Variants in PABPC4L observed in about 807,000 individuals in gnomAD.
PABPC4L encodes poly(A) binding protein cytoplasmic 4 like.
For synonymous variants in PABPC4L, 169 were observed against 164.1 expected (o/e 1.03, Z -0.23); for missense variants, 452 against 451.4 (o/e 1.00, Z -0.01).
the PABPC4L span, among the ~76,000 whole-genome samples, chr4:134,151,504 C>A: frequency 6.6e-6 from 1 of 151,978 alleles, no homozygotes; most frequent in Non-Finnish European, 1.5e-5. Flanking sequence ...ATTAAATATT[C>A]TTTCTGATCA....
chr4:133,958,444 T>G, the PABPC4L span, among the ~76,000 whole-genome samples: 1 of 152,208 alleles, frequency 6.6e-6, no homozygotes. Context: ...CCCTCCAAAC[T>G]ATTCCATCCT....
chr4:134,039,405 C>T, the PABPC4L span, among the ~76,000 whole-genome samples: 1 of 152,006 alleles, frequency 6.6e-6, no homozygotes, highest in Non-Finnish European at 1.5e-5. Context: ...ATTGATCTGT[C>T]TAATATTGAC....
At chr4:134,123,668 G>T in the PABPC4L span, among the ~76,000 whole-genome samples, 1 of 152,088 alleles carries the variant, frequency 6.6e-6, no homozygotes, top group East Asian at 1.9e-4. Flanking sequence ...TACAGAGCGA[G>T]AGAGAGAAAT....
chr4:133,957,094 G>T, the PABPC4L span, among the ~76,000 whole-genome samples: 2 of 152,090 alleles, frequency 1.3e-5, no homozygotes, highest in African/African-American at 2.4e-5. Context: ...GCCCCCAAAT[G>T]CTTATCTCAT....
the PABPC4L span, among the ~76,000 whole-genome samples, chr4:134,189,174 C>G: frequency 6.6e-6 from 1 of 152,076 alleles, no homozygotes; most frequent in African/African-American, 2.4e-5. Flanking sequence ...TCTCTGCATA[C>G]ATTGTCCATC....
chr4:134,115,512 A>G, the PABPC4L span, among the ~76,000 whole-genome samples: 65 of 151,972 alleles, frequency 4.3e-4, 1 homozygote, highest in Non-Finnish European at 8.0e-4. Context: ...TTATGTTTAG[A>G]AGGAGATCTA....
Position 134,200,190 on chromosome 4 carries a change from T to C in PABPC4L, c.830A>G (p.Gln277Arg), listed in dbSNP as rs1486550898. The change falls in exon 2 of 2, where the codon CAA becomes CGA. Residue 277 changes from glutamine (Q) to arginine (R), a missense_variant. Physicochemically the swap from Gln to Arg is conservative, Grantham distance 43. Coordinates refer to ENST00000421491, the MANE Select transcript of PABPC4L (RefSeq NM_001114734.2). ...TTCCCTTTTCAGCTGCTCAAACATT[T>C]GCTTTAACTCAGCCTGTCGCTCGAC... ...KKVERQAELK[Q>R]MFEQLKRERI... is the part of the protein sequence containing the mutation. The C allele has an allele frequency of 6.4e-7, 1 of 1,551,522 alleles. No individual in the cohort carries two copies. The highest frequency in any genetic ancestry group is 8.7e-7 in the Non-Finnish European group (1 of 1,146,972).
At chr4:134,127,227 C>T in the PABPC4L span, among the ~76,000 whole-genome samples, 567 of 152,118 alleles carry the variant, frequency 3.7e-3, 2 homozygotes, top group African/African-American at 0.013. Flanking sequence ...AGGACATAAT[C>T]TCTTGGAAGC....
chr4:134,183,802 C>A, the PABPC4L span, among the ~76,000 whole-genome samples: 1 of 150,990 alleles, frequency 6.6e-6, no homozygotes, highest in Non-Finnish European at 1.5e-5. Context: ...AGAAGAAGAC[C>A]AATAAATTGA....
chr4:134,066,939 G>A, the PABPC4L span, among the ~76,000 whole-genome samples: 5 of 152,094 alleles, frequency 3.3e-5, no homozygotes, highest in African/African-American at 1.2e-4. Context: ...GATTTGGATT[G>A]CTAGTATTTT....
At chr4:134,028,941 A>G in the PABPC4L span, among the ~76,000 whole-genome samples, 2 of 152,116 alleles carry the variant, frequency 1.3e-5, no homozygotes, top group East Asian at 1.9e-4. Flanking sequence ...GCCTGTTGAA[A>G]CATAGTGTGT....
the PABPC4L span, among the ~76,000 whole-genome samples, chr4:134,058,998 CT>C: frequency 6.6e-6 from 1 of 151,976 alleles, no homozygotes; most frequent in African/African-American, 2.4e-5. Flanking sequence ...CAATATGACA[CT>C]CTAGAAAGTT....
the PABPC4L span, among the ~76,000 whole-genome samples, chr4:133,972,585 T>C: frequency 2.0e-5 from 3 of 152,262 alleles, no homozygotes; most frequent in East Asian, 3.9e-4. Context: ...TAATAAGATG[T>C]TTCATAAAAC....
chr4:134,162,171 A>G, the PABPC4L span, among the ~76,000 whole-genome samples: 1 of 152,154 alleles, frequency 6.6e-6, no homozygotes, highest in African/African-American at 2.4e-5. Flanking sequence ...AAGAAAAGAA[A>G]GGGAAGAACA....
the PABPC4L span, among the ~76,000 whole-genome samples, chr4:134,046,891 A>G: frequency 6.6e-6 from 1 of 152,186 alleles, no homozygotes; most frequent in African/African-American, 2.4e-5. Flanking sequence ...TCAAGGCAAA[A>G]CAATTTTCTT....
the PABPC4L span, among the ~76,000 whole-genome samples, chr4:134,158,431 T>C: frequency 2.6e-5 from 4 of 152,064 alleles, no homozygotes; most frequent in Non-Finnish European, 5.9e-5. Context: ...GGAAACAGTA[T>C]TCCTTCCATT....
At chr4:134,049,872 C>T in the PABPC4L span, among the ~76,000 whole-genome samples, 10 of 152,094 alleles carry the variant, frequency 6.6e-5, no homozygotes, top group Non-Finnish European at 1.5e-5. Context: ...TTGCTTATGA[C>T]AGTTTAACAA....
the PABPC4L span, among the ~76,000 whole-genome samples, chr4:133,961,128 C>T: frequency 0.01 from 1,538 of 152,138 alleles, 28 homozygotes; most frequent in African/African-American, 0.036. Flanking sequence ...AACATTAAAC[C>T]ACAAAAGCTA....
chr4:134,019,040 T>C, the PABPC4L span, among the ~76,000 whole-genome samples: 3 of 152,170 alleles, frequency 2.0e-5, no homozygotes, highest in Admixed American at 2.0e-4. Context: ...GGAAATGACT[T>C]AATTTGAATA....
Sources: allele counts gnomAD v4.1 joint callset (sites outside exome capture counted in the v4.1 genomes callset), GRCh38; gene constraint gnomAD v4.1.1; transcripts MANE v1.5; gene names NCBI Gene and HGNC (gene_info 2026-07-23, HGNC 2026-07-21).